The following DHRS3 variants were observed in gnomAD, a reference collection of about 807,000 sequenced individuals.
The protein encoded by DHRS3 is dehydrogenase/reductase 3.
A neutral mutation model predicts 27.2 loss-of-function variants in DHRS3; 14 were observed. The observed-to-expected ratio is 0.52, with a 90% CI of 0.34 to 0.81. The LOEUF (loss-of-function observed/expected upper bound fraction) is 0.81. Among genes scored for constraint, DHRS3 ranks in the 30% least tolerant of loss-of-function variants. DHRS3 has a pLI of 0.01. For missense variants in DHRS3, 322 were observed against 406.2 expected (o/e 0.79, Z 1.78); for synonymous variants, 165 against 175.9 (o/e 0.94, Z 0.49).
intron 1 of DHRS3, among the ~76,000 whole-genome samples, chr1:12,612,000 G>T (rs1041162712): frequency 1.3e-5 from 2 of 150,590 alleles, no homozygotes; most frequent in Admixed American, 1.3e-4. Context: ...GAGCAAGACT[G>T]CAGGGGGGCG....
chr1:12,601,827 G>A (rs1036007098), intron 1 of DHRS3, among the ~76,000 whole-genome samples: 3 of 152,128 alleles, frequency 2.0e-5, no homozygotes, highest in African/African-American at 4.8e-5. Flanking sequence ...AGATGATAAC[G>A]GTACCCACGC....
intron 1 of DHRS3, among the ~76,000 whole-genome samples, chr1:12,605,754 C>G (rs1217090138): frequency 6.6e-6 from 1 of 152,140 alleles, no homozygotes; most frequent in Non-Finnish European, 1.5e-5. Context: ...GAAGCAAGAA[C>G]AAACATCAAA....
In DHRS3 at chr1:12,617,555, TG is replaced by T. The variant is rs1372633822; in HGVS notation, c.-208del. ...AAAAAAAAAAAGATAAATTCTCCTC[TG>T]GGGGAGAAAAAGCGTCTCCTAAGGT... On this transcript the variant is annotated 5_prime_UTR_variant, in exon 1 of 6. Transcript: ENST00000616661. 44 of 446,990 alleles carry T rather than the reference TG, an allele frequency of 9.8e-5. No homozygotes were observed. Among genetic ancestry groups the T allele is most frequent in the Non-Finnish European group, 1.2e-4 (32 of 267,842 alleles). The allele number at this position is 446,990 out of a possible 1,614,324, so 27.7% of individuals were successfully genotyped here. A position where few individuals can be genotyped will look rare whatever the true frequency, so the allele number is the denominator to read the frequency against.
intron 1 of DHRS3, among the ~76,000 whole-genome samples, chr1:12,602,867 G>A (rs904344703): frequency 2.0e-5 from 3 of 152,262 alleles, no homozygotes; most frequent in African/African-American, 2.4e-5. Flanking sequence ...TGCTCTGGCC[G>A]GAGCCGGCCT....
At chr1:12,604,641 G>A (rs558703995) in intron 1 of DHRS3, among the ~76,000 whole-genome samples, 1 of 152,326 alleles carries the variant, frequency 6.6e-6, no homozygotes, top group Admixed American at 6.5e-5. Flanking sequence ...GGCCAGGCCA[G>A]GCTGAGATTA....
chr1:12,582,058 G>A (rs2100665360), intron 1 of DHRS3, among the ~76,000 whole-genome samples: 1 of 152,282 alleles, frequency 6.6e-6, no homozygotes, highest in Non-Finnish European at 1.5e-5. Flanking sequence ...GGCTGCTTTG[G>A]GAAGGTAAAC....
chr1:12,568,498 A>G, intron 5 of DHRS3, 74 bp from the exon 6 acceptor site: 1 of 1,431,236 alleles, frequency 7.0e-7, no homozygotes, highest in Non-Finnish European at 9.8e-7. Flanking sequence ...GCTGGTGGCC[A>G]TGTGAGACGG....
intron 1 of DHRS3, among the ~76,000 whole-genome samples, chr1:12,589,495 T>A (rs960010082): frequency 1.3e-5 from 2 of 151,700 alleles, no homozygotes; most frequent in Non-Finnish European, 2.9e-5. Context: ...TTTGAGCGAT[T>A]CTCCTGCCTC....
chr1:12,606,153 A>C (rs1646869690), intron 1 of DHRS3, among the ~76,000 whole-genome samples: 1 of 148,344 alleles, frequency 6.7e-6, no homozygotes, highest in African/African-American at 2.5e-5. Flanking sequence ...AAAAAAAAAA[A>C]AATAGAAATC....
Position 12,568,385 on chromosome 1 carries a change from G to A in DHRS3, c.864C>T (p.Phe288=), listed in dbSNP as rs2100633126. The A allele has an allele frequency of 6.2e-7, 1 of 1,614,004 alleles. No individual in the cohort carries two copies. The highest frequency in any genetic ancestry group is 2.2e-5 in the East Asian group (1 of 44,878). Reference sequence around the variant, plus strand: ...TGTTCATGCAGGTGTAGGTTCCTGAGAATTTGTGGATCTCCTCGAGTGCAG... The same window carrying A: ...TGTTCATGCAGGTGTAGGTTCCTGAAAATTTGTGGATCTCCTCGAGTGCAG... ...PQAALEEIHK[F]SGTYTCMNTF... The change falls in exon 6 of 6, where the codon TTC becomes TTT. Residue 288 remains phenylalanine (F), a synonymous_variant. Transcript: ENST00000616661.
chr1:12,589,297 G>A lies in DHRS3; in HGVS notation c.196-8631C>T, dbSNP rs551207289. On this transcript the variant is annotated intron_variant, in intron 1 of 5. Coordinates refer to ENST00000616661, the MANE Select transcript of DHRS3 (RefSeq NM_004753.7). ...CATGGGCTCTGGAGCCAGACTGCCTGGGTTCAATTCTTTAACAGTTATGAA... is the reference window on the plus strand; with the variant it reads ...CATGGGCTCTGGAGCCAGACTGCCTAGGTTCAATTCTTTAACAGTTATGAA... 4.6e-4 allele frequency among the ~76,000 whole-genome samples: 70 copies of A among 152,198 alleles called. 2 individuals are homozygous for A. The highest frequency in any genetic ancestry group is 3.4e-3 in the Admixed American group (52 of 15,290).
chr1:12,573,102 G>C lies in DHRS3; in HGVS notation c.699-249C>G, dbSNP rs140313186. On this transcript the variant is annotated intron_variant, in intron 4 of 5. Coordinates refer to ENST00000616661, the MANE Select transcript of DHRS3 (RefSeq NM_004753.7). ...ACCCACTGGGGACCCACTCTCCCAA[G>C]CCCTCCAAGGGCTCCCAGTGCCCTA... Among the ~76,000 whole-genome samples, 8 of 152,304 alleles carry C rather than the reference G, an allele frequency of 5.3e-5. 1 individual carries two copies. In the East Asian group the frequency reaches 1.5e-3, roughly 29 times the overall value.
At chr1:12,583,960 C>T (rs574813045) in intron 1 of DHRS3, among the ~76,000 whole-genome samples, 1 of 146,490 alleles carries the variant, frequency 6.8e-6, no homozygotes, top group Non-Finnish European at 1.5e-5. Context: ...CCCATCAGCC[C>T]CACTGCACCC....
chr1:12,603,028 A>G (rs114739572), intron 1 of DHRS3, among the ~76,000 whole-genome samples: 1,980 of 152,336 alleles, frequency 0.013, 44 homozygotes, highest in African/African-American at 0.045. Flanking sequence ...TTTCTGGCAG[A>G]TGGATTTGGG....
chr1:12,594,889 G>C lies in DHRS3; in HGVS notation c.196-14223C>G, dbSNP rs1007688716. ...GATGGGAGAAGAGGGATTCTGGACG[G>C]TTGCAGAGCTGGGTGCTGGAGAAAG... On this transcript the variant is annotated intron_variant, in intron 1 of 5. Coordinates refer to ENST00000616661, the MANE Select transcript of DHRS3 (RefSeq NM_004753.7). This position sits in a 1 kb window ranked among gnomAD's most constrained non-coding sequence, Gnocchi z 4.1. 2.0e-5 allele frequency among the ~76,000 whole-genome samples: 3 copies of C among 152,158 alleles called. No individual in the cohort carries two copies. Among genetic ancestry groups the C allele is most frequent in the Non-Finnish European group, 4.4e-5 (3 of 68,008 alleles).
rs114618637 is a variant in DHRS3, at chr1:12,615,881, G to A, written c.195+1273C>T. Among the ~76,000 whole-genome samples, 460 of 152,282 alleles carry A rather than the reference G, an allele frequency of 3.0e-3. 2 individuals carry two copies. Among genetic ancestry groups the A allele is most frequent in the African/African-American group, 0.01 (427 of 41,566 alleles). ...CCCCCTCCAAATGCAAGGTCAAGCG[G>A]CTGTCCAAACCACCCAAGGAGAAGA... On this transcript the variant is annotated intron_variant, in intron 1 of 5. Transcript: ENST00000616661.
intron 1 of DHRS3, among the ~76,000 whole-genome samples, chr1:12,581,498 C>T (rs930399929): frequency 8.5e-5 from 13 of 152,244 alleles, no homozygotes; most frequent in Admixed American, 7.2e-4. Flanking sequence ...AGGGCAGTGA[C>T]GAGGCTGCCA....
At chr1:12,583,378 C>T in intron 1 of DHRS3, among the ~76,000 whole-genome samples, 1 of 142,970 alleles carries the variant, frequency 7.0e-6, no homozygotes, top group South Asian at 2.4e-4. Context: ...CCTCACCCAC[C>T]CCACCCCATC....
In DHRS3 at chr1:12,592,263, A is replaced by G. The variant is rs1413255527; in HGVS notation, c.196-11597T>C. 6.6e-6 allele frequency among the ~76,000 whole-genome samples: 1 copy of G among 152,178 alleles called. No homozygotes were observed. The highest frequency in any genetic ancestry group is 2.4e-5 in the African/African-American group (1 of 41,438). The stretch of plus-strand genomic sequence containing the variant: ...ACAGTCGGCTGATTAGTGTCCCCTG[A>G]GAAGCTGAGTCCAAGTCCTAACCCT... On this transcript the variant is annotated intron_variant, in intron 1 of 5. Transcript: ENST00000616661. This position sits in a 1 kb window ranked among gnomAD's most constrained non-coding sequence, Gnocchi z 4.2.
Sources: allele counts gnomAD v4.1 joint callset (sites outside exome capture counted in the v4.1 genomes callset), GRCh38; gene constraint gnomAD v4.1.1; non-coding constraint Gnocchi (gnomAD v3.1); transcripts MANE v1.5; gene names NCBI Gene and HGNC (gene_info 2026-07-23, HGNC 2026-07-21).